XRN1: variants seen among roughly 807,000 people sequenced by gnomAD.
XRN1 encodes 5'-3' exoribonuclease 1.
A neutral mutation model predicts 222.3 loss-of-function variants in XRN1; 67 were observed. The observed-to-expected ratio is 0.30, with a 90% CI of 0.25 to 0.37. The LOEUF is 0.37. Ranked by LOEUF, XRN1 falls within the 10% of genes least tolerant of loss-of-function variation. The pLI, the probability that XRN1 is intolerant of heterozygous loss-of-function variation, is 1.00. For synonymous variants in XRN1, 643 were observed against 652.4 expected, an observed-to-expected ratio of 0.99 and a Z score of 0.22; for missense variants, 1,707 against 2,000.2, an observed-to-expected ratio of 0.85 and a Z score of 2.80.
chr3:142,412,883 G>C (rs1160758567), intron 14 of XRN1, among the ~76,000 whole-genome samples: 1 of 152,062 alleles, frequency 6.6e-6, no homozygotes, highest in Non-Finnish European at 1.5e-5. Flanking sequence ...ACATTTTACT[G>C]ACTTAGTTAT....
At chr3:142,406,384 T>C (rs1156692683) in intron 15 of XRN1, among the ~76,000 whole-genome samples, 3 of 152,286 alleles carry the variant, frequency 2.0e-5, no homozygotes, top group African/African-American at 7.2e-5. Context: ...ATTAAGACCT[T>C]AAACTATAAA....
At chr3:142,368,152 A>G (rs1227862151) in intron 27 of XRN1, among the ~76,000 whole-genome samples, 1 of 151,366 alleles carries the variant, frequency 6.6e-6, no homozygotes, top group African/African-American at 2.4e-5. Flanking sequence ...AATTTAACAC[A>G]TATATATATA....
chr3:142,408,970 T>C (rs556725736), intron 15 of XRN1, among the ~76,000 whole-genome samples: 4 of 152,322 alleles, frequency 2.6e-5, no homozygotes, highest in South Asian at 4.1e-4. Context: ...CACTTTTCCA[T>C]TGTTTATTAT....
intron 20 of XRN1, among the ~76,000 whole-genome samples, chr3:142,387,281 T>C (rs2067540535): frequency 6.6e-6 from 1 of 152,166 alleles, no homozygotes; most frequent in Non-Finnish European, 1.5e-5. Context: ...CAAATGTATG[T>C]GGTTACAAGT....
Position 142,355,473 on chromosome 3 carries a change from TTCA to T in XRN1, c.3693_3695del (p.Asp1231del). The T allele has an allele frequency of 6.3e-7, 1 of 1,597,854 alleles. No individual in the cohort carries two copies. Among genetic ancestry groups the T allele is most frequent in the Non-Finnish European group, 8.5e-7 (1 of 1,170,566 alleles). ...GTAAGGACTGCCAAATGTTGCAGAA[TTCA>T]TCATCATCTTTAGTAGGTACCTAGC... On this transcript the variant is annotated inframe_deletion, in exon 32 of 41. Transcript: ENST00000392981.
At chr3:142,418,256 A>T (rs1432160138) in intron 12 of XRN1, 8 of 388,482 alleles carry the variant, frequency 2.1e-5, no homozygotes. Context: ...TACTATTATA[A>T]ACAACTTTGT....
intron 5 of XRN1, among the ~76,000 whole-genome samples, chr3:142,424,203 C>T (rs1464296727): frequency 6.6e-6 from 1 of 152,034 alleles, no homozygotes; most frequent in Non-Finnish European, 1.5e-5. Context: ...AAGCAATTCT[C>T]CCTGCCTCAG....
chr3:142,445,255 T>C (rs143747595), intron 1 of XRN1, among the ~76,000 whole-genome samples: 2 of 152,314 alleles, frequency 1.3e-5, no homozygotes, highest in African/African-American at 4.8e-5. Context: ...TTTTCATAAT[T>C]GATACACGTT....
chr3:142,344,980 TCCTGATTTCAAAACTTACAACAA>T (rs2107797541), intron 33 of XRN1, among the ~76,000 whole-genome samples: 1 of 152,262 alleles, frequency 6.6e-6, no homozygotes. Flanking sequence ...GGCTCAAACT[TCCTGATTTCAAAACTTACAACAA>T]AGCTACAGTA....
chr3:142,410,732 G>C (rs1444752661), intron 15 of XRN1, among the ~76,000 whole-genome samples: 1 of 152,010 alleles, frequency 6.6e-6, no homozygotes, highest in East Asian at 1.9e-4. Context: ...CTGACCTCAT[G>C]ATCTACCCAC....
chr3:142,339,405 A>G (rs2065929816), intron 33 of XRN1, among the ~76,000 whole-genome samples: 1 of 152,186 alleles, frequency 6.6e-6, no homozygotes, highest in Non-Finnish European at 1.5e-5. Context: ...TGTGGCTTAG[A>G]TCACAAAATC....
intron 27 of XRN1, among the ~76,000 whole-genome samples, chr3:142,367,091 C>T (rs1344933748): frequency 6.6e-6 from 1 of 152,158 alleles, no homozygotes; most frequent in Non-Finnish European, 1.5e-5. Flanking sequence ...AGATCAAGAC[C>T]AGCCTGACCA....
intron 32 of XRN1, among the ~76,000 whole-genome samples, chr3:142,353,826 T>C (rs375247534): frequency 6.6e-6 from 1 of 152,096 alleles, no homozygotes; most frequent in East Asian, 1.9e-4. Context: ...AATTTACAAG[T>C]GGGACCTAAT....
intron 5 of XRN1, among the ~76,000 whole-genome samples, 161 bp from the exon 6 acceptor site, chr3:142,423,803 G>T (rs2069135575): frequency 6.6e-6 from 1 of 152,162 alleles, no homozygotes; most frequent in African/African-American, 2.4e-5. Context: ...GGTAATGAAT[G>T]AGATAAAGTG....
At position 142,340,427 on chromosome 3, in the gene XRN1, T is replaced by C. The variant is rs1332648284; in HGVS notation, c.3878-4918A>G. ...AAGAATGAAGCACGTCTACGAGATC[T>C]AGAAAACAGCCTCAAAAGGGCAAAT... is the stretch of plus-strand genomic sequence containing the variant. On this transcript the variant is annotated intron_variant, in intron 33 of 40. Transcript: ENST00000392981. Among the ~76,000 whole-genome samples, 6 of 151,148 alleles carry C rather than the reference T, an allele frequency of 4.0e-5. No homozygotes were observed. In the South Asian group the frequency reaches 1.3e-3, roughly 32 times the overall value.
intron 7 of XRN1, 29 bp downstream of exon 7, chr3:142,422,806 C>A: frequency 6.2e-7 from 1 of 1,602,258 alleles, no homozygotes; most frequent in Non-Finnish European, 8.5e-7. Flanking sequence ...CAATGGAAAT[C>A]CTTGGTCCAT....
chr3:142,424,247 T>C (rs899236188), intron 5 of XRN1, among the ~76,000 whole-genome samples: 1 of 152,048 alleles, frequency 6.6e-6, no homozygotes, highest in Non-Finnish European at 1.5e-5. Context: ...GGTATCTGCC[T>C]CTATGCCTGG....
chr3:142,317,364 A>G (rs2065239795), intron 39 of XRN1, among the ~76,000 whole-genome samples: 1 of 152,036 alleles, frequency 6.6e-6, no homozygotes, highest in Non-Finnish European at 1.5e-5. Context: ...TACAGCTTTT[A>G]TCTTCCTTGG....
Position 142,418,620 on chromosome 3 carries a change from AAGTC to A in XRN1, c.1241-15_1241-12del, listed in dbSNP as rs777047547. 2 of 1,576,216 alleles carry A rather than the reference AAGTC, an allele frequency of 1.3e-6. No individual in the cohort carries two copies. Among genetic ancestry groups the A allele is most frequent in the Non-Finnish European group, 1.7e-6 (2 of 1,160,116 alleles). On this transcript the variant is annotated splice_polypyrimidine_tract_variant and intron_variant, in intron 11 of 40. Coordinates refer to ENST00000392981, the MANE Select transcript of XRN1 (RefSeq NM_001282857.2). ...CATCTTCTAAATTATCTGGGGAAAA[AAGTC>A]AGAAAGATAGTGACTGACAATTATG...
Sources: allele counts gnomAD v4.1 joint callset (sites outside exome capture counted in the v4.1 genomes callset), GRCh38; gene constraint gnomAD v4.1.1; transcripts MANE v1.5; gene names NCBI Gene and HGNC (gene_info 2026-07-23, HGNC 2026-07-21).